The following MPZL1 variants were observed in gnomAD, a reference collection of about 807,000 sequenced individuals.
MPZL1 encodes myelin protein zero like 1.
MPZL1 carries 16 observed loss-of-function variants against 29.3 expected under a neutral mutation model. The observed-to-expected ratio is 0.55, with a 90% CI of 0.37 to 0.83. The LOEUF (loss-of-function observed/expected upper bound fraction) is 0.83, where lower values mean the gene tolerates loss of function less well. Ranked by LOEUF, MPZL1 falls within the 40% of genes least tolerant of loss-of-function variation. The pLI, the probability that MPZL1 is intolerant of heterozygous loss-of-function variation, is 0.00. For missense variants in MPZL1, 279 were observed against 332.9 expected, an observed-to-expected ratio of 0.84 and a Z score of 1.26; for synonymous variants, 143 against 132.0, an observed-to-expected ratio of 1.08 and a Z score of -0.57.
rs575900384 is a variant in MPZL1, at chr1:167,784,682, A to G, written c.709-3138A>G. 7.2e-5 allele frequency among the ~76,000 whole-genome samples: 11 copies of G among 152,302 alleles called. No individual in the cohort carries two copies. The East Asian group carries it at 1.5e-3, about 21-fold the overall frequency. ...GATCTGTCAGCAGACCCCAATCTCAACCTACATCTGCAGTTTCTCTGCATC... is the reference window on the plus strand; with the variant it reads ...GATCTGTCAGCAGACCCCAATCTCAGCCTACATCTGCAGTTTCTCTGCATC... On this transcript the variant is annotated intron_variant, in intron 5 of 5. Transcript: ENST00000359523.
At chr1:167,758,303 A>T (rs1237302052) in intron 1 of MPZL1, among the ~76,000 whole-genome samples, 1 of 152,232 alleles carries the variant, frequency 6.6e-6, no homozygotes. Flanking sequence ...TGTTCCTAAT[A>T]ATACTGCCAC....
chr1:167,788,800 A>T lies in MPZL1; in HGVS notation c.*879A>T, dbSNP rs115952869. 6.6e-6 allele frequency: 1 copy of T among 152,008 alleles called. No homozygotes were observed. The highest frequency in any genetic ancestry group is 2.4e-5 in the African/African-American group (1 of 41,348). The allele number at this position is 152,008 out of a possible 1,614,324, so 9.4% of individuals were successfully genotyped here. A position where few individuals can be genotyped will look rare whatever the true frequency, so the allele number is the denominator to read the frequency against. ...AAAGGAGAGGAGTTTCTTTCCTTCTAAGTAGGCAGAAATGGTATCATTATG... is the reference window on the plus strand; with the variant it reads ...AAAGGAGAGGAGTTTCTTTCCTTCTTAGTAGGCAGAAATGGTATCATTATG... On this transcript the variant is annotated 3_prime_UTR_variant, in exon 6 of 6. Coordinates refer to ENST00000359523, the MANE Select transcript of MPZL1 (RefSeq NM_003953.6).
chr1:167,729,814 G>C (rs1660226480), intron 1 of MPZL1, among the ~76,000 whole-genome samples: 1 of 152,084 alleles, frequency 6.6e-6, no homozygotes, highest in African/African-American at 2.4e-5. Context: ...TTTGCTAAAC[G>C]ATTTACTTAT....
Position 167,778,523 on chromosome 1 carries a change from A to AGGAAGGAT in MPZL1, c.708+2360_708+2361insAGGATGGA, listed in dbSNP as rs143953572. Among the ~76,000 whole-genome samples, 700 of 147,326 alleles carry AGGAAGGAT rather than the reference A, an allele frequency of 4.8e-3. 8 individuals are homozygous for AGGAAGGAT. The highest frequency in any genetic ancestry group is 0.017 in the African/African-American group (665 of 39,518). On this transcript the variant is annotated intron_variant, in intron 5 of 5. Coordinates refer to ENST00000359523, the MANE Select transcript of MPZL1 (RefSeq NM_003953.6). ...ATAGATGGGTGGAAAGAAGGAAGGA[A>AGGAAGGAT]GGATGGATGGATGGATGGATGGATG...
At chr1:167,765,919 C>G (rs1192149981) in intron 2 of MPZL1, 170 bp downstream of exon 2, 1 of 482,530 alleles carries the variant, frequency 2.1e-6, no homozygotes, top group African/African-American at 2.0e-5. Flanking sequence ...TTCAGCATCT[C>G]TTAAATGCGT....
At chr1:167,759,836 G>A (rs973552400) in intron 1 of MPZL1, among the ~76,000 whole-genome samples, 1 of 152,150 alleles carries the variant, frequency 6.6e-6, no homozygotes, top group Non-Finnish European at 1.5e-5. Flanking sequence ...GGAAAAACAT[G>A]GTAACCAGGG....
At chr1:167,731,727 C>A (rs543860303) in intron 1 of MPZL1, among the ~76,000 whole-genome samples, 1 of 151,318 alleles carries the variant, frequency 6.6e-6, no homozygotes, top group Non-Finnish European at 1.5e-5. Flanking sequence ...CGTGAGCCAC[C>A]GCACCCAGCC....
intron 5 of MPZL1, among the ~76,000 whole-genome samples, chr1:167,778,568 A>G (rs867872086): frequency 1.5e-4 from 19 of 125,692 alleles, no homozygotes; most frequent in African/African-American, 3.7e-4. Context: ...ATGGATGGAT[A>G]GATTTAAAAA....
chr1:167,785,778 C>T (rs1480287594), intron 5 of MPZL1, among the ~76,000 whole-genome samples: 1 of 152,086 alleles, frequency 6.6e-6, no homozygotes, highest in Non-Finnish European at 1.5e-5. Flanking sequence ...TAATTCTGTT[C>T]CTAGTAGAAA....
At chr1:167,728,959 G>A (rs926451445) in intron 1 of MPZL1, among the ~76,000 whole-genome samples, 3 of 151,918 alleles carry the variant, frequency 2.0e-5, no homozygotes, top group South Asian at 2.1e-4. Flanking sequence ...AGTTTATTAC[G>A]TGCATTTTAA....
At chr1:167,732,119 A>G (rs1166464610) in intron 1 of MPZL1, among the ~76,000 whole-genome samples, 1 of 152,208 alleles carries the variant, frequency 6.6e-6, no homozygotes, top group Non-Finnish European at 1.5e-5. Flanking sequence ...TACATAATAT[A>G]TAGTATAGGT....
At chr1:167,771,363 G>A (rs989024589) in intron 2 of MPZL1, among the ~76,000 whole-genome samples, 1 of 152,174 alleles carries the variant, frequency 6.6e-6, no homozygotes, top group African/African-American at 2.4e-5. Context: ...TCTTAGTACA[G>A]AACAAAATGG....
chr1:167,763,732 C>T lies in MPZL1; in HGVS notation c.92-1851C>T, dbSNP rs149384015. ...CAAGTGCCCTGGGGCTGCTTTTCTG[C>T]GTACCCACAATAGCAAGGAACTCTT... is the stretch of plus-strand genomic sequence containing the variant. On this transcript the variant is annotated intron_variant, in intron 1 of 5. Coordinates refer to ENST00000359523, the MANE Select transcript of MPZL1 (RefSeq NM_003953.6). Among the ~76,000 whole-genome samples, 64 of 152,232 alleles carry T rather than the reference C, an allele frequency of 4.2e-4. 1 individual carries two copies. In the East Asian group the frequency reaches 9.3e-3, roughly 22 times the overall value.
intron 1 of MPZL1, among the ~76,000 whole-genome samples, chr1:167,741,610 C>T (rs1166245546): frequency 6.6e-6 from 1 of 151,978 alleles, no homozygotes; most frequent in African/African-American, 2.4e-5. Flanking sequence ...CAGGCATGAG[C>T]CACTGTGCCT....
chr1:167,777,598 A>G (rs989783100), intron 5 of MPZL1, among the ~76,000 whole-genome samples: 2 of 152,314 alleles, frequency 1.3e-5, no homozygotes, highest in Admixed American at 1.3e-4. Flanking sequence ...TAGGATGAGC[A>G]CGAGCACTTC....
At chr1:167,778,523 A>AGGATGGATGGATGGAT (rs10666527) in intron 5 of MPZL1, among the ~76,000 whole-genome samples, 7 of 147,236 alleles carry the variant, frequency 4.8e-5, no homozygotes, top group East Asian at 2.0e-4. Context: ...GAAGGAAGGA[A>AGGATGGATGGATGGAT]GGATGGATGG....
chr1:167,747,484 C>G (rs73037850), intron 1 of MPZL1, among the ~76,000 whole-genome samples: 1 of 152,084 alleles, frequency 6.6e-6, no homozygotes, highest in African/African-American at 2.4e-5. Context: ...CTCAGCCTCC[C>G]GAAGTGCTGA....
chr1:167,722,124 C>CGGCGGCGGCGACTGCAGTGGCTGGACGAT lies in MPZL1; in HGVS notation c.-24_5dup. The CGGCGGCGGCGACTGCAGTGGCTGGACGAT allele has an allele frequency of 8.1e-7, 1 of 1,233,848 alleles. No homozygotes were observed. The highest frequency in any genetic ancestry group is 1.0e-6 in the Non-Finnish European group (1 of 988,476). The allele number at this position is 1,233,848 out of a possible 1,614,324, so 76.4% of individuals were successfully genotyped here. A position where few individuals can be genotyped will look rare whatever the true frequency, so the allele number is the denominator to read the frequency against. Reference sequence around the variant, plus strand: ...GGACCCGGGCTCAGGGACGCGGCGGCGGCGGCGGCGACTGCAGTGGCTGGA... The same window carrying CGGCGGCGGCGACTGCAGTGGCTGGACGAT: ...GGACCCGGGCTCAGGGACGCGGCGGCGGCGGCGGCGACTGCAGTGGCTGGACGATGGCGGCGGCGACTGCAGTGGCTGGA... On this transcript the variant is annotated 5_prime_UTR_variant, in exon 1 of 6. It adds an upstream start codon to the 5' untranslated region. Coordinates refer to ENST00000359523, the MANE Select transcript of MPZL1 (RefSeq NM_003953.6).
intron 5 of MPZL1, among the ~76,000 whole-genome samples, chr1:167,785,243 C>T (rs954622217): frequency 1.3e-5 from 2 of 152,232 alleles, no homozygotes; most frequent in African/African-American, 4.8e-5. Flanking sequence ...GCTGGACAGT[C>T]TACAGTGGTC....
Sources: gnomAD v4.1 joint callset for allele counts (sites outside exome capture counted in the v4.1 genomes callset) on GRCh38, gnomAD v4.1.1 for gene constraint, MANE v1.5 for transcripts, NCBI Gene and HGNC (gene_info 2026-07-23, HGNC 2026-07-21) for gene names.